Variants in RTN3 observed in about 807,000 individuals in gnomAD.
The protein encoded by RTN3 is reticulon 3.
In RTN3, 49 loss-of-function variants were observed where a neutral mutation model predicts 77.8. The ratio of observed to expected loss-of-function variants is 0.63; its 90% CI spans 0.50 to 0.80. RTN3 has a LOEUF of 0.80. RTN3 is among the 30% of genes least tolerant of loss of function. The pLI is 0.00. For missense variants in RTN3, 1,236 were observed against 1,211.9 expected (o/e 1.02, Z -0.29); for synonymous variants, 464 against 446.9 (o/e 1.04, Z -0.48).
At chr11:63,686,271 T>C (rs568769) in intron 1 of RTN3, among the ~76,000 whole-genome samples, 19,307 of 150,378 alleles carry the variant, frequency 0.13, 1,319 homozygotes, top group Middle Eastern at 0.17. Flanking sequence ...GAGATCGAGA[T>C]CATCCTGGCT....
intron 4 of RTN3, among the ~76,000 whole-genome samples, chr11:63,751,584 C>T (rs1041232274): frequency 6.6e-6 from 1 of 152,100 alleles, no homozygotes; most frequent in Non-Finnish European, 1.5e-5. Context: ...GAAGGAGACC[C>T]TGCTGTGACC....
intron 1 of RTN3, among the ~76,000 whole-genome samples, chr11:63,683,249 C>G (rs1381144574): frequency 6.6e-6 from 1 of 152,178 alleles, no homozygotes; most frequent in Non-Finnish European, 1.5e-5. Flanking sequence ...CTTTAAACCA[C>G]CAGCCTTTTC....
At chr11:63,736,105 C>G (rs2013101319) in intron 3 of RTN3, among the ~76,000 whole-genome samples, 1 of 152,186 alleles carries the variant, frequency 6.6e-6, no homozygotes, top group Non-Finnish European at 1.5e-5. Flanking sequence ...ATCTGAGACT[C>G]AGGGACCTCT....
intron 1 of RTN3, among the ~76,000 whole-genome samples, chr11:63,696,521 A>G (rs1941946821): frequency 6.6e-6 from 1 of 151,110 alleles, no homozygotes; most frequent in African/African-American, 2.4e-5. Context: ...CAGCTTGGAT[A>G]ACATAGTGGG....
chr11:63,718,444 T>G (rs780027323), intron 2 of RTN3, among the ~76,000 whole-genome samples: 19 of 152,228 alleles, frequency 1.2e-4, no homozygotes, highest in Non-Finnish European at 2.1e-4. Context: ...AGACCAAAAG[T>G]ATTTGTCATG....
intron 3 of RTN3, among the ~76,000 whole-genome samples, chr11:63,744,450 A>G (rs964487758): frequency 6.6e-6 from 1 of 152,140 alleles, no homozygotes; most frequent in Non-Finnish European, 1.5e-5. Context: ...CCTATGCAAT[A>G]TGGTATCATC....
At chr11:63,752,414 C>T (rs2014153845) in intron 4 of RTN3, 93 bp from the exon 5 acceptor site, 1 of 1,275,892 alleles carries the variant, frequency 7.8e-7, no homozygotes, top group Non-Finnish European at 1.1e-6. Context: ...CTAACATGCA[C>T]CCTGGGAACC....
intron 1 of RTN3, among the ~76,000 whole-genome samples, chr11:63,703,545 TTTTC>T (rs1942347427): frequency 1.3e-5 from 2 of 151,898 alleles, no homozygotes; most frequent in South Asian, 4.1e-4. Flanking sequence ...CACATATTTT[TTTTC>T]TTTTTTTTTT....
intron 1 of RTN3, among the ~76,000 whole-genome samples, chr11:63,686,505 C>T (rs1941384076): frequency 6.9e-6 from 1 of 144,916 alleles, no homozygotes; most frequent in African/African-American, 2.5e-5. Flanking sequence ...AAATTCTATA[C>T]TTGCTAGAGA....
intron 2 of RTN3, chr11:63,714,474 A>ATCTTTTT (rs1374524826): frequency 2.0e-5 from 3 of 149,254 alleles, no homozygotes; most frequent in Admixed American, 6.9e-5. Flanking sequence ...TGTCATATTA[A>ATCTTTTT]TCTTTTTTCT....
chr11:63,743,347 TC>T (rs1166932952), intron 3 of RTN3, among the ~76,000 whole-genome samples: 1 of 152,228 alleles, frequency 6.6e-6, no homozygotes, highest in African/African-American at 2.4e-5. Flanking sequence ...TTGAGGGATT[TC>T]CCTTCCCTAG....
chr11:63,744,663 A>G (rs2013693345), intron 3 of RTN3, among the ~76,000 whole-genome samples: 1 of 152,156 alleles, frequency 6.6e-6, no homozygotes, highest in Non-Finnish European at 1.5e-5. Context: ...TACTATACTC[A>G]GCCAGAACAG....
intron 3 of RTN3, among the ~76,000 whole-genome samples, chr11:63,736,854 A>G (rs568513519): frequency 2.4e-4 from 37 of 152,286 alleles, no homozygotes; most frequent in African/African-American, 7.7e-4. Context: ...CTCAAATGCA[A>G]AAACTAGAAT....
intron 6 of RTN3, 111 bp downstream of exon 6, chr11:63,753,249 C>T (rs2014197662): frequency 9.7e-6 from 10 of 1,035,086 alleles, no homozygotes; most frequent in Admixed American, 2.2e-5. Context: ...AGTCTTGACC[C>T]ATAGAGACCT....
chr11:63,741,716 G>T (rs1454358369), intron 3 of RTN3, among the ~76,000 whole-genome samples: 1 of 149,934 alleles, frequency 6.7e-6, no homozygotes, highest in Non-Finnish European at 1.5e-5. Context: ...GGCCAGGCTG[G>T]TCTCGAATTT....
At chr11:63,734,315 G>T (rs912476196) in intron 3 of RTN3, among the ~76,000 whole-genome samples, 4 of 151,878 alleles carry the variant, frequency 2.6e-5, no homozygotes, top group Non-Finnish European at 5.9e-5. Flanking sequence ...AGGTGTGGTG[G>T]TGCACACTTG....
At chr11:63,684,248 AT>A (rs1941248719) in intron 1 of RTN3, among the ~76,000 whole-genome samples, 1 of 142,428 alleles carries the variant, frequency 7.0e-6, no homozygotes, top group East Asian at 2.0e-4. Context: ...TCCCAGGTTC[AT>A]GCCATTCTCC....
intron 3 of RTN3, among the ~76,000 whole-genome samples, chr11:63,721,391 G>A (rs1395334996): frequency 6.6e-6 from 1 of 151,980 alleles, no homozygotes; most frequent in Admixed American, 6.6e-5. Context: ...TGGCTAACAC[G>A]GTGAAACCCC....
chr11:63,738,606 T>G (rs1007608667), intron 3 of RTN3, among the ~76,000 whole-genome samples: 1 of 144,918 alleles, frequency 6.9e-6, no homozygotes, highest in African/African-American at 2.5e-5. Flanking sequence ...CACACCAGCC[T>G]GGGTGACAGA....
Sources: gnomAD v4.1 joint callset for allele counts (sites outside exome capture counted in the v4.1 genomes callset) on GRCh38, gnomAD v4.1.1 for gene constraint, MANE v1.5 for transcripts, NCBI Gene and HGNC (gene_info 2026-07-23, HGNC 2026-07-21) for gene names.